ACLY: variants seen among roughly 807,000 people sequenced by gnomAD.
ACLY encodes the protein ATP-citrate synthase.
Under a neutral mutation model 133.0 loss-of-function variants are expected in ACLY, and 41 were observed. The ratio of observed to expected loss-of-function variants is 0.31; its 90% confidence interval spans 0.24 to 0.40. ACLY has a LOEUF of 0.40. Ranked by LOEUF, ACLY falls within the 10% of genes least tolerant of loss-of-function variation. ACLY has a pLI of 1.00. For synonymous variants in ACLY, 495 were observed against 549.3 expected, an observed-to-expected ratio of 0.90 and a Z score of 1.38; for missense variants, 1,046 against 1,453.8, an observed-to-expected ratio of 0.72 and a Z score of 4.56.
intron 16 of ACLY, among the ~76,000 whole-genome samples, chr17:41,890,817 A>G (rs2049187050): frequency 8.7e-6 from 1 of 114,490 alleles, no homozygotes; most frequent in Admixed American, 1.4e-4. Context: ...TCTGGCCAAC[A>G]TGGTGAAACC....
rs148640026 is a variant in ACLY, at chr17:41,867,829, G to T, written c.3287C>A (p.Pro1096Gln). The change falls in exon 29 of 29, where the codon CCG becomes CAG. Residue 1096 changes from proline to glutamine, a missense_variant. Physicochemically the swap from Pro to Gln is moderately conservative, Grantham distance 76. Transcript: ENST00000352035. ...HPWDDISYVL[P>Q]EHMSM is the part of the protein sequence containing the mutation. ...GCTCTGTTACATGCTCATGTGTTCC[G>T]GAAGAACATATGAAATATCATCCCA... The T allele has an allele frequency of 5.0e-6, 8 of 1,610,598 alleles. No individual in the cohort carries two copies. The highest frequency in any genetic ancestry group is 5.9e-6 in the Non-Finnish European group (7 of 1,178,222).
chr17:41,878,060 G>A lies in ACLY; in HGVS notation c.2487+43C>T, dbSNP rs538047991. On this transcript the variant is annotated intron_variant, in intron 22 of 28. Coordinates refer to ENST00000352035, the MANE Select transcript of ACLY (RefSeq NM_001096.3). ...CGAAACCCACCACCATAGACCCACA[G>A]ATCTCCCTTGCTCACACTGTTAGAG... 6 of 1,382,984 alleles carry A rather than the reference G, an allele frequency of 4.3e-6. No homozygotes were observed. The South Asian group carries it at 9.7e-5, about 22-fold the overall frequency. 85.7% of individuals were successfully genotyped at this position (1,382,984 alleles called of 1,614,324 possible).
rs144684200 is a variant in ACLY, at chr17:41,914,737, C to T, written c.-23-841G>A. On this transcript the variant is annotated intron_variant, in intron 1 of 28. Transcript: ENST00000352035. ...CTGTAGTGGTCACTTCTAACTGGGG[C>T]GGACTGAGAGGAGGAGGAGGAAGAG... Among the ~76,000 whole-genome samples the T allele has an allele frequency of 3.9e-5, 6 of 152,250 alleles. No homozygotes were observed. In the East Asian group the frequency reaches 9.7e-4, roughly 25 times the overall value.
At chr17:41,877,996 C>T in intron 22 of ACLY, 107 bp downstream of exon 22, 4 of 591,472 alleles carry the variant, frequency 6.8e-6, no homozygotes, top group Non-Finnish European at 1.1e-5. Context: ...CCGACTAATA[C>T]AGAAGGCCTG....
upstream of ACLY, chr17:41,918,954 C>G (rs1416426571): frequency 3.9e-6 from 5 of 1,289,010 alleles, no homozygotes; most frequent in Non-Finnish European, 5.1e-6. Flanking sequence ...ACCCCAGCAG[C>G]CGGTAGCTTC....
At chr17:41,915,819 G>A (rs1219264448) in intron 1 of ACLY, among the ~76,000 whole-genome samples, 6 of 152,028 alleles carry the variant, frequency 3.9e-5, no homozygotes, top group African/African-American at 1.5e-4. Context: ...CTTCCAAAGA[G>A]AGTGCAGCCC....
At position 41,872,116 on chromosome 17, in the gene ACLY, G is replaced by A. The variant is rs1555625226; in HGVS notation, c.2709C>T (p.Ala903=). 29 of 1,613,898 alleles carry A rather than the reference G, an allele frequency of 1.8e-5. 1 individual carries two copies. Among genetic ancestry groups the A allele is most frequent in the Admixed American group, 3.3e-5 (2 of 59,984 alleles). Residue 903 remains alanine (A), a synonymous_variant, in exon 24 of 29, where the codon GCC becomes GCT. Transcript: ENST00000352035. ...CLMVTADHGP[A]VSGAHNTIIC... is the part of the protein sequence containing the mutation. ...TGATGGTGTTGTGGGCTCCAGAGAC[G>A]GCTGGCCCGTGATCAGCTGTCACCA...
chr17:41,879,827 T>G (rs186147968), intron 20 of ACLY, among the ~76,000 whole-genome samples: 2 of 151,452 alleles, frequency 1.3e-5, no homozygotes, highest in Admixed American at 6.6e-5. Flanking sequence ...CGGGTGATTC[T>G]CCCACCTCCT....
chr17:41,872,970 G>C (rs1043695359), intron 23 of ACLY, among the ~76,000 whole-genome samples: 1 of 152,164 alleles, frequency 6.6e-6, no homozygotes, highest in African/African-American at 2.4e-5. Context: ...CTGCAGGTGA[G>C]GGCATGACAC....
At chr17:41,914,495 G>C (rs1316210561) in intron 1 of ACLY, among the ~76,000 whole-genome samples, 1 of 152,192 alleles carries the variant, frequency 6.6e-6, no homozygotes, top group Non-Finnish European at 1.5e-5. Context: ...ACACCCCCAG[G>C]TCCTGGTTAG....
chr17:41,884,603 G>A (rs1176150227), intron 18 of ACLY, among the ~76,000 whole-genome samples: 3 of 152,108 alleles, frequency 2.0e-5, no homozygotes, highest in East Asian at 3.9e-4. Flanking sequence ...CACAAATTCC[G>A]GCCAGGCGCA....
intron 1 of ACLY, 25 bp from the exon 2 acceptor site, chr17:41,913,921 A>G (rs1555634108): frequency 6.2e-7 from 1 of 1,611,352 alleles, no homozygotes; most frequent in East Asian, 2.2e-5. Flanking sequence ...GAAGCTGGTC[A>G]GAAGGGGGCA....
chr17:41,876,387 C>T (rs1479753796), intron 22 of ACLY, among the ~76,000 whole-genome samples: 3 of 152,240 alleles, frequency 2.0e-5, no homozygotes, highest in Non-Finnish European at 2.9e-5. Context: ...GCCCCTCTGC[C>T]CGGCCACCAC....
chr17:41,904,360 G>GGGAAGGGAAGAA (rs782622304), intron 10 of ACLY: 26 of 5,038 alleles, frequency 5.2e-3, no homozygotes, highest in East Asian at 0.042. Flanking sequence ...GAAGAAGGAA[G>GGGAAGGGAAGAA]GGAAGGGAAG....
In ACLY at chr17:41,879,647, C is replaced by CA. The variant is rs558056100; in HGVS notation, c.2266-724dup. ...GGGTGATAAGAGCAAGACTCCGTCT[C>CA]AAAAAAAAAAAAAAAAAAAAAAAAA... On this transcript the variant is annotated intron_variant, in intron 20 of 28. Coordinates refer to ENST00000352035, the MANE Select transcript of ACLY (RefSeq NM_001096.3). 1.7e-3 allele frequency among the ~76,000 whole-genome samples: 57 copies of CA among 34,230 alleles called. 7 individuals are homozygous for CA. The highest frequency in any genetic ancestry group is 5.3e-3 in the South Asian group (2 of 378). 22.5% of individuals were successfully genotyped at this position (34,230 alleles called of 152,430 possible).
chr17:41,892,517 G>A (rs1268854812), intron 15 of ACLY, 70 bp from the exon 16 acceptor site: 5 of 1,388,918 alleles, frequency 3.6e-6, no homozygotes, highest in Admixed American at 3.8e-5. Flanking sequence ...AAGCTGAGGG[G>A]AGGAATTTCA....
intron 15 of ACLY, 64 bp downstream of exon 15, chr17:41,892,969 G>C: frequency 6.4e-7 from 1 of 1,569,488 alleles, no homozygotes; most frequent in Non-Finnish European, 8.7e-7. Flanking sequence ...ATGAGCCACT[G>C]TGCCCAGCCC....
In ACLY at chr17:41,913,896, C is replaced by T; in HGVS notation, c.-23G>A. The T allele has an allele frequency of 5.0e-6, 8 of 1,613,986 alleles. No individual in the cohort carries two copies. Among genetic ancestry groups the T allele is most frequent in the Non-Finnish European group, 6.8e-6 (8 of 1,179,874 alleles). Reference sequence around the variant, plus strand: ...CATGGCTGCAGAGAGACCTGCTCTACCTGTCTGGGAGAGAGAAGCTGGTCA... The same window carrying T: ...CATGGCTGCAGAGAGACCTGCTCTATCTGTCTGGGAGAGAGAAGCTGGTCA... On this transcript the variant is annotated splice_region_variant and 5_prime_UTR_variant, in exon 2 of 29. Transcript: ENST00000352035.
intron 23 of ACLY, among the ~76,000 whole-genome samples, 166 bp from the exon 24 acceptor site, chr17:41,872,348 CAG>C (rs2048619681): frequency 6.6e-6 from 1 of 152,180 alleles, no homozygotes; most frequent in Non-Finnish European, 1.5e-5. Flanking sequence ...TTTCTTTAGA[CAG>C]AGTCTCATTC....
Sources: gnomAD v4.1 joint callset for allele counts (sites outside exome capture counted in the v4.1 genomes callset) on GRCh38, gnomAD v4.1.1 for gene constraint, MANE v1.5 for transcripts, NCBI Gene and HGNC (gene_info 2026-07-23, HGNC 2026-07-21) for gene names.